Variants in UBAP2 observed in about 807,000 individuals in gnomAD.
UBAP2 encodes the protein ubiquitin associated protein 2, also known as ubiquitin-associated protein 2.
Under a neutral mutation model 139.6 loss-of-function variants are expected in UBAP2, and 75 were observed. The ratio of observed to expected loss-of-function variants is 0.54; its 90% CI spans 0.45 to 0.65. The LOEUF (loss-of-function observed/expected upper bound fraction) is 0.65, where lower values mean the gene tolerates loss of function less well. UBAP2 is among the 30% of genes least tolerant of loss of function. The pLI, the probability that UBAP2 is intolerant of heterozygous loss-of-function variation, is 0.00. For synonymous variants in UBAP2, 526 were observed against 526.2 expected (o/e 1.00, Z 0.01); for missense variants, 1,368 against 1,369.6 (o/e 1.00, Z 0.02).
chr9:33,996,421 A>G, intron 3 of UBAP2, 88 bp from the exon 4 acceptor site: 1 of 858,980 alleles, frequency 1.2e-6, no homozygotes. Flanking sequence ...AGAATTACAT[A>G]ATCCTTCTAC....
Position 33,998,829 on chromosome 9 carries a change from G to A in UBAP2, c.135C>T (p.Ile45=), listed in dbSNP as rs1233160460. The A allele has an allele frequency of 1.1e-5, 18 of 1,612,044 alleles. No individual in the cohort carries two copies. Among genetic ancestry groups the A allele is most frequent in the Non-Finnish European group, 1.5e-5 (18 of 1,179,744 alleles). The change falls in exon 3 of 29, where the codon ATC becomes ATT. Residue 45 remains isoleucine (I), a synonymous_variant. Coordinates refer to ENST00000379238, the MANE Select transcript of UBAP2 (RefSeq NM_001370062.2). ...TAEQMRLAQV[I]FDKNDSDFEA... is the part of the protein sequence containing the mutation. The stretch of plus-strand genomic sequence containing the variant: ...CAAAATCTGAATCATTCTTATCAAA[G>A]ATCACTTGAGCGAGACGCATCTGTT...
At chr9:33,957,666 G>A (rs552571655) in intron 10 of UBAP2, among the ~76,000 whole-genome samples, 59 of 152,200 alleles carry the variant, frequency 3.9e-4, no homozygotes, top group African/African-American at 1.4e-3. Flanking sequence ...TCAATGTGGG[G>A]ACTCGGCTTT....
intron 2 of UBAP2, among the ~76,000 whole-genome samples, chr9:34,007,740 G>A (rs1301269251): frequency 1.3e-5 from 2 of 150,354 alleles, no homozygotes; most frequent in African/African-American, 2.4e-5. Context: ...CCCGATTCAC[G>A]CCATTCTCCT....
At chr9:34,007,821 A>G (rs1417347287) in intron 2 of UBAP2, among the ~76,000 whole-genome samples, 5 of 151,338 alleles carry the variant, frequency 3.3e-5, no homozygotes, top group Non-Finnish European at 4.4e-5. Context: ...TTTTCCATTT[A>G]TAATAGAGTC....
At chr9:33,969,921 CTTTTTTTT>C (rs1173625005) in intron 8 of UBAP2, among the ~76,000 whole-genome samples, 9 of 46,184 alleles carry the variant, frequency 1.9e-4, no homozygotes, top group East Asian at 1.1e-3. Flanking sequence ...GTGTATAATT[CTTTTTTTT>C]TTTTTTTTTT....
intron 9 of UBAP2, among the ~76,000 whole-genome samples, chr9:33,962,654 A>T (rs1348119653): frequency 7.5e-6 from 1 of 133,874 alleles, no homozygotes; most frequent in South Asian, 2.3e-4. Context: ...AAAAATAAAT[A>T]AATAAATAAA....
intron 2 of UBAP2, among the ~76,000 whole-genome samples, chr9:34,010,275 T>C (rs1354046151): frequency 6.7e-6 from 1 of 149,750 alleles, no homozygotes; most frequent in Non-Finnish European, 1.5e-5. Context: ...AATAGAAAAA[T>C]TAGCCAGTCA....
At chr9:33,932,856 C>T (rs911179929) in intron 18 of UBAP2, among the ~76,000 whole-genome samples, 1 of 152,198 alleles carries the variant, frequency 6.6e-6, no homozygotes, top group Non-Finnish European at 1.5e-5. Flanking sequence ...CTTCCCTCAA[C>T]GACATCCATT....
intron 18 of UBAP2, among the ~76,000 whole-genome samples, 161 bp downstream of exon 18, chr9:33,933,329 G>A (rs1428904497): frequency 6.6e-6 from 1 of 152,170 alleles, no homozygotes; most frequent in African/African-American, 2.4e-5. Context: ...GTGGTTTTAA[G>A]GAACAACCTG....
intron 6 of UBAP2, among the ~76,000 whole-genome samples, chr9:33,977,502 A>C (rs965624766): frequency 6.6e-6 from 1 of 152,148 alleles, no homozygotes; most frequent in African/African-American, 2.4e-5. Context: ...TGAACAGATT[A>C]ATCTAGCAGC....
chr9:34,033,294 G>A (rs547791252), intron 1 of UBAP2, among the ~76,000 whole-genome samples: 2 of 152,276 alleles, frequency 1.3e-5, no homozygotes, highest in African/African-American at 4.8e-5. Flanking sequence ...AAAAGAATGA[G>A]ATCCTGTCAT....
Position 33,949,803 on chromosome 9 carries a change from G to A in UBAP2, c.1057-1216C>T, listed in dbSNP as rs150731122. ...TTACTATTCCAAAATGAGACACTGC[G>A]ATACATAGGTATTTGAAGTTGAGCA... On this transcript the variant is annotated intron_variant, in intron 12 of 28. Transcript: ENST00000379238. 7.8e-3 allele frequency among the ~76,000 whole-genome samples: 1,189 copies of A among 152,282 alleles called. 10 individuals carry two copies. Among genetic ancestry groups the A allele is most frequent in the Non-Finnish European group, 0.013 (895 of 68,020 alleles).
At chr9:34,021,848 G>A (rs990395549) in intron 1 of UBAP2, among the ~76,000 whole-genome samples, 6 of 152,250 alleles carry the variant, frequency 3.9e-5, no homozygotes, top group African/African-American at 1.4e-4. Flanking sequence ...TGGTCAGGCT[G>A]GTTTCGAACT....
intron 6 of UBAP2, among the ~76,000 whole-genome samples, chr9:33,983,115 T>C (rs978920771): frequency 1.3e-5 from 2 of 152,150 alleles, no homozygotes; most frequent in African/African-American, 4.8e-5. Flanking sequence ...CCTGACCTCG[T>C]GATCTGCTCG....
chr9:33,940,786 AAAAC>A (rs1168254388), intron 16 of UBAP2, among the ~76,000 whole-genome samples: 8 of 152,324 alleles, frequency 5.3e-5, no homozygotes, highest in African/African-American at 1.2e-4. Context: ...ACTCCCCCAA[AAAAC>A]AAACAATCCA....
chr9:33,938,300 T>G (rs1824777618), intron 16 of UBAP2, among the ~76,000 whole-genome samples: 1 of 152,014 alleles, frequency 6.6e-6, no homozygotes, highest in South Asian at 2.1e-4. Context: ...AGCCACTTTT[T>G]GTATTTTTTG....
chr9:33,958,054 C>A (rs1376359251), intron 10 of UBAP2, among the ~76,000 whole-genome samples: 1 of 152,078 alleles, frequency 6.6e-6, no homozygotes, highest in East Asian at 1.9e-4. Context: ...CTCAACCTCC[C>A]AGGCTCAAGC....
At chr9:33,948,223 A>AG in intron 13 of UBAP2, 151 bp downstream of exon 13, 1 of 608,298 alleles carries the variant, frequency 1.6e-6, no homozygotes, top group East Asian at 2.8e-5. Context: ...TGTATAACAA[A>AG]GGAAGACTGA....
chr9:33,945,259 G>A (rs1825568423), intron 13 of UBAP2, among the ~76,000 whole-genome samples: 1 of 152,162 alleles, frequency 6.6e-6, no homozygotes, highest in Non-Finnish European at 1.5e-5. Context: ...AACACTTTGG[G>A]AGGCCGAGGC....
Sources: gnomAD v4.1 joint callset for allele counts (sites outside exome capture counted in the v4.1 genomes callset) on GRCh38, gnomAD v4.1.1 for gene constraint, MANE v1.5 for transcripts, NCBI Gene and HGNC (gene_info 2026-07-23, HGNC 2026-07-21) for gene names.